The following PRPSAP1 variants were observed in gnomAD, a reference collection of about 807,000 sequenced individuals.
PRPSAP1 encodes phosphoribosyl pyrophosphate synthase-associated protein 1.
In PRPSAP1, 31 loss-of-function variants were observed where a neutral mutation model predicts 39.4. The ratio of observed to expected loss-of-function variants is 0.79; its 90% confidence interval spans 0.59 to 1.06. The LOEUF (loss-of-function observed/expected upper bound fraction) is 1.06. PRPSAP1 is among the 50% of genes least tolerant of loss of function. The pLI is 0.00. For missense variants in PRPSAP1, 430 were observed against 511.6 expected, an observed-to-expected ratio of 0.84 and a Z score of 1.54; for synonymous variants, 212 against 192.6, an observed-to-expected ratio of 1.10 and a Z score of -0.83.
intron 7 of PRPSAP1, among the ~76,000 whole-genome samples, chr17:76,320,282 AAAAG>A (rs370211244): frequency 2.7e-4 from 2 of 7,284 alleles, no homozygotes; most frequent in Middle Eastern, 0.045. Flanking sequence ...AGAAAGAAAG[AAAAG>A]AAAGAAAGAA....
chr17:76,347,428 A>G (rs191658039), intron 2 of PRPSAP1, among the ~76,000 whole-genome samples: 144 of 139,914 alleles, frequency 1.0e-3, no homozygotes, highest in African/African-American at 3.6e-3. Context: ...TGGAGGTTGC[A>G]GTGAGCCAAG....
At chr17:76,334,175 C>T (rs2071355069) in intron 3 of PRPSAP1, among the ~76,000 whole-genome samples, 1 of 152,168 alleles carries the variant, frequency 6.6e-6, no homozygotes, top group Admixed American at 6.6e-5. Context: ...TCAAACATCC[C>T]CGTCTTGGGG....
chr17:76,334,675 AGG>A (rs1370869769), intron 3 of PRPSAP1, among the ~76,000 whole-genome samples: 1 of 152,200 alleles, frequency 6.6e-6, no homozygotes, highest in Non-Finnish European at 1.5e-5. Context: ...AGACTGATGC[AGG>A]GCTCAACTTC....
intron 3 of PRPSAP1, among the ~76,000 whole-genome samples, chr17:76,338,521 G>T (rs189998579): frequency 6.6e-6 from 1 of 152,028 alleles, no homozygotes; most frequent in Admixed American, 6.6e-5. Context: ...TAGGCAACAT[G>T]GAGAAACCCC....
chr17:76,342,162 G>A (rs2071446724), intron 3 of PRPSAP1, among the ~76,000 whole-genome samples: 1 of 152,038 alleles, frequency 6.6e-6, no homozygotes. Flanking sequence ...ACAATATGAT[G>A]TATATACGAT....
At chr17:76,335,357 T>TTTTTG (rs775817293) in intron 3 of PRPSAP1, among the ~76,000 whole-genome samples, 1 of 152,020 alleles carries the variant, frequency 6.6e-6, no homozygotes, top group Admixed American at 6.6e-5. Context: ...TTTTTTTTGT[T>TTTTTG]TTTTGTTTTG....
At chr17:76,338,370 T>G (rs1246861062) in intron 3 of PRPSAP1, among the ~76,000 whole-genome samples, 1 of 152,176 alleles carries the variant, frequency 6.6e-6, no homozygotes, top group African/African-American at 2.4e-5. Flanking sequence ...CAGAAAAACC[T>G]GTAAAAGATA....
chr17:76,323,716 G>GTTT (rs538514428), intron 7 of PRPSAP1, among the ~76,000 whole-genome samples: 12 of 145,818 alleles, frequency 8.2e-5, no homozygotes, highest in African/African-American at 3.0e-4. Context: ...AAGGTTTTTT[G>GTTT]TTTTTTTTTT....
chr17:76,352,644 C>CAAAAA (rs55986677), intron 1 of PRPSAP1, among the ~76,000 whole-genome samples: 259 of 48,892 alleles, frequency 5.3e-3, no homozygotes, highest in Non-Finnish European at 6.5e-3. Context: ...GACTCCGTCT[C>CAAAAA]AAAAAAAAAA....
At chr17:76,328,027 G>GA (rs1333113124) in intron 7 of PRPSAP1, among the ~76,000 whole-genome samples, 5 of 149,232 alleles carry the variant, frequency 3.4e-5, no homozygotes, top group East Asian at 2.0e-4. Flanking sequence ...CATACAAAAA[G>GA]AAAAAAAAAG....
intron 7 of PRPSAP1, among the ~76,000 whole-genome samples, chr17:76,327,423 G>A (rs2071266082): frequency 6.6e-6 from 1 of 152,162 alleles, no homozygotes; most frequent in Non-Finnish European, 1.5e-5. Flanking sequence ...GGGAGGCTGA[G>A]GCAGGCGGAT....
intron 3 of PRPSAP1, among the ~76,000 whole-genome samples, chr17:76,339,908 G>T (rs2071417533): frequency 6.6e-6 from 1 of 151,666 alleles, no homozygotes; most frequent in Non-Finnish European, 1.5e-5. Flanking sequence ...GGGGCAAGCA[G>T]ATCAGCTGAG....
chr17:76,351,282 C>T (rs1470997475), intron 1 of PRPSAP1, among the ~76,000 whole-genome samples: 6 of 151,520 alleles, frequency 4.0e-5, no homozygotes, highest in Admixed American at 2.6e-4. Context: ...TTTGGGAGGC[C>T]GAGGCGAGTG....
At chr17:76,323,362 T>C (rs1408196186) in intron 7 of PRPSAP1, among the ~76,000 whole-genome samples, 1 of 150,376 alleles carries the variant, frequency 6.6e-6, no homozygotes, top group Non-Finnish European at 1.5e-5. Flanking sequence ...AAGAAATACA[T>C]TTTATAAGAC....
chr17:76,318,535 T>C (rs552664254), intron 7 of PRPSAP1, among the ~76,000 whole-genome samples: 4 of 152,224 alleles, frequency 2.6e-5, no homozygotes, highest in Non-Finnish European at 5.9e-5. Flanking sequence ...TATTCTGTCA[T>C]AACCATTCTA....
chr17:76,329,428 G>A (rs2071294602), intron 6 of PRPSAP1, among the ~76,000 whole-genome samples: 1 of 152,110 alleles, frequency 6.6e-6, no homozygotes, highest in African/African-American at 2.4e-5. Flanking sequence ...TCAGAAGAAA[G>A]AACAACGTTA....
chr17:76,344,765 T>C, intron 2 of PRPSAP1, 28 bp from the exon 3 acceptor site: 2 of 1,492,960 alleles, frequency 1.3e-6, no homozygotes, highest in Non-Finnish European at 1.8e-6. Flanking sequence ...TCTGAAGTTT[T>C]AAGAAAAGCT....
At chr17:76,316,773 C>T (rs2071129129) in intron 7 of PRPSAP1, among the ~76,000 whole-genome samples, 1 of 152,172 alleles carries the variant, frequency 6.6e-6, no homozygotes, top group South Asian at 2.1e-4. Context: ...AAACGATTTC[C>T]AATGCTCTTA....
chr17:76,311,465 G>T lies in PRPSAP1; in HGVS notation c.*77C>A. On this transcript the variant is annotated 3_prime_UTR_variant, in exon 10 of 10. Transcript: ENST00000446526. ...GGCTGTTTCGAGTCCTCCCTTGCAAGGAAACACTGTATCACTCATGGCACT... is the reference window on the plus strand; with the variant it reads ...GGCTGTTTCGAGTCCTCCCTTGCAATGAAACACTGTATCACTCATGGCACT... 1 of 1,480,334 alleles carries T rather than the reference G, an allele frequency of 6.8e-7. No individual in the cohort carries two copies. The highest frequency in any genetic ancestry group is 9.1e-7 in the Non-Finnish European group (1 of 1,101,942). 91.7% of individuals were successfully genotyped at this position (1,480,334 alleles called of 1,614,324 possible).
Sources: gnomAD v4.1 joint callset for allele counts (sites outside exome capture counted in the v4.1 genomes callset) on GRCh38, gnomAD v4.1.1 for gene constraint, MANE v1.5 for transcripts, NCBI Gene and HGNC (gene_info 2026-07-23, HGNC 2026-07-21) for gene names.